Variants in UBXN2A observed in about 807,000 individuals in gnomAD.
UBXN2A encodes the protein UBX domain-containing protein 2A.
A neutral mutation model predicts 28.4 loss-of-function variants in UBXN2A; 28 were observed. The observed-to-expected ratio is 0.99, with a 90% CI of 0.73 to 1.35. The LOEUF (loss-of-function observed/expected upper bound fraction) is 1.35. Among genes scored for constraint, UBXN2A ranks in the 40% most tolerant of loss-of-function variants. The probability of loss-of-function intolerance (pLI) is 0.00; values close to 1 mark genes in which losing one functional copy is unlikely to be tolerated. For missense variants in UBXN2A, 253 were observed against 297.9 expected (o/e 0.85, Z 1.11); for synonymous variants, 97 against 103.6 (o/e 0.94, Z 0.39).
At chr2:23,935,830 AC>A (rs1468073730), upstream of UBXN2A, among the ~76,000 whole-genome samples, 2 of 152,140 alleles carry the variant, frequency 1.3e-5, no homozygotes, top group African/African-American at 4.8e-5. Flanking sequence ...TGGGTGGATC[AC>A]CAGAGGTCAG....
intron 6 of UBXN2A, among the ~76,000 whole-genome samples, chr2:23,997,483 G>A (rs1304805998): frequency 6.6e-6 from 1 of 152,012 alleles, no homozygotes; most frequent in Non-Finnish European, 1.5e-5. Context: ...ACGGAGTCCT[G>A]CTCTGTCGCC....
chr2:23,930,179 C>A (rs151204532), intron 1 of UBXN2A, among the ~76,000 whole-genome samples: 1 of 152,152 alleles, frequency 6.6e-6, no homozygotes, highest in Non-Finnish European at 1.5e-5. Context: ...TGAGCCACTG[C>A]GCCTGGAGGT....
At chr2:23,956,525 G>A (rs1706633286) in intron 1 of UBXN2A, among the ~76,000 whole-genome samples, 1 of 151,768 alleles carries the variant, frequency 6.6e-6, no homozygotes, top group Admixed American at 6.6e-5. Flanking sequence ...GCTAATTTTT[G>A]TATTTTTAGT....
In UBXN2A at chr2:23,982,880, T is replaced by C. The variant is rs1420502947; in HGVS notation, c.288-16T>C. On this transcript the variant is annotated splice_polypyrimidine_tract_variant and intron_variant, in intron 4 of 6. Transcript: ENST00000309033. The stretch of plus-strand genomic sequence containing the variant: ...TACATTGGGAGCTTTATCATTTTCT[T>C]TCTTTGTTTTCCAAGGGAATTACCT... 3.2e-6 allele frequency: 5 copies of C among 1,581,358 alleles called. No homozygotes were observed. The highest frequency in any genetic ancestry group is 2.6e-6 in the Non-Finnish European group (3 of 1,166,010).
chr2:23,993,497 G>C (rs551497697), intron 6 of UBXN2A, among the ~76,000 whole-genome samples: 47 of 151,956 alleles, frequency 3.1e-4, no homozygotes, highest in African/African-American at 1.1e-3. Flanking sequence ...ATTTCACTCT[G>C]TTACTCTCTT....
At chr2:23,978,865 A>C (rs1707783167) in intron 4 of UBXN2A, among the ~76,000 whole-genome samples, 1 of 151,816 alleles carries the variant, frequency 6.6e-6, no homozygotes, top group African/African-American at 2.4e-5. Flanking sequence ...TGGGAGGCTG[A>C]GGCAGGAGAA....
In UBXN2A at chr2:23,978,827, TG is replaced by T. The variant is rs761077310; in HGVS notation, c.287+1754del. Among the ~76,000 whole-genome samples, 264 of 147,666 alleles carry T rather than the reference TG, an allele frequency of 1.8e-3. 1 individual carries two copies. Among genetic ancestry groups the T allele is most frequent in the Middle Eastern group, 3.9e-3 (1 of 256 alleles). On this transcript the variant is annotated intron_variant, in intron 4 of 6. Transcript: ENST00000309033. ...AAATACAAAAATTAGCCACGCATCG[TG>T]GCACGTGCCTGTTAGTCGCAGCTAC...
At chr2:23,976,650 A>T (rs1707676136) in intron 3 of UBXN2A, among the ~76,000 whole-genome samples, 1 of 152,166 alleles carries the variant, frequency 6.6e-6, no homozygotes, top group African/African-American at 2.4e-5. Context: ...CCCGTGATTC[A>T]ATTACCTCCC....
At position 24,000,012 on chromosome 2, in the gene UBXN2A, G is replaced by A; in HGVS notation, c.*145G>A. 4.1e-6 allele frequency: 3 copies of A among 735,168 alleles called. No individual in the cohort carries two copies. The highest frequency in any genetic ancestry group is 6.6e-6 in the Non-Finnish European group (3 of 457,068). 45.5% of individuals were successfully genotyped at this position (735,168 alleles called of 1,614,324 possible). Reference sequence around the variant, plus strand: ...CTCTCTCCTGATGAGAAGATGTTTAGATAAGTACAAGTTAAGAAAGTAGCA... The same window carrying A: ...CTCTCTCCTGATGAGAAGATGTTTAAATAAGTACAAGTTAAGAAAGTAGCA... On this transcript the variant is annotated 3_prime_UTR_variant, in exon 7 of 7. Coordinates refer to ENST00000309033, the MANE Select transcript of UBXN2A (RefSeq NM_181713.4).
upstream of UBXN2A, among the ~76,000 whole-genome samples, chr2:23,936,427 A>G (rs1284738924): frequency 6.6e-6 from 1 of 152,084 alleles, no homozygotes; most frequent in Non-Finnish European, 1.5e-5. Context: ...AAAGTAGAAT[A>G]GGCTGTGCGT....
rs1339679984 is a variant in UBXN2A at position 24,001,652 on chromosome 2, T to C, written c.*1785T>C. 6.6e-6 allele frequency: 1 copy of C among 151,524 alleles called. No homozygotes were observed. Among genetic ancestry groups the C allele is most frequent in the Admixed American group, 6.6e-5 (1 of 15,198 alleles). The allele number at this position is 151,524 out of a possible 1,614,324, so 9.4% of individuals were successfully genotyped here. Reference sequence around the variant, plus strand: ...GCTATATATATTATTATATTAAATATTAAATTTTTAAAATATTTATTTATG... The same window carrying C: ...GCTATATATATTATTATATTAAATACTAAATTTTTAAAATATTTATTTATG... On this transcript the variant is annotated 3_prime_UTR_variant, in exon 7 of 7. Coordinates refer to ENST00000309033, the MANE Select transcript of UBXN2A (RefSeq NM_181713.4).
intron 3 of UBXN2A, among the ~76,000 whole-genome samples, chr2:23,975,564 T>C (rs1222034764): frequency 6.6e-6 from 1 of 152,234 alleles, no homozygotes; most frequent in African/African-American, 2.4e-5. Context: ...AATCTATTAG[T>C]TGTGAAAGGC....
At chr2:23,939,320 A>G (rs1705633309), upstream of UBXN2A, among the ~76,000 whole-genome samples, 1 of 152,166 alleles carries the variant, frequency 6.6e-6, no homozygotes, top group Non-Finnish European at 1.5e-5. Context: ...AAACTATTGC[A>G]ACTGAGAGTG....
At chr2:23,966,750 CTTT>C (rs70944704) in intron 2 of UBXN2A, among the ~76,000 whole-genome samples, 1,981 of 76,684 alleles carry the variant, frequency 0.026, 65 homozygotes, top group African/African-American at 0.091. Context: ...CGCGCCCGGC[CTTT>C]TTTTTTTTTT....
At chr2:23,931,365 G>A (rs1705363363) in intron 1 of UBXN2A, among the ~76,000 whole-genome samples, 1 of 151,834 alleles carries the variant, frequency 6.6e-6, no homozygotes, top group African/African-American at 2.4e-5. Flanking sequence ...AGAATCACTT[G>A]AACCTGAAAG....
At chr2:23,948,372 C>A (rs1359356993) in intron 1 of UBXN2A, among the ~76,000 whole-genome samples, 1 of 151,546 alleles carries the variant, frequency 6.6e-6, no homozygotes, top group Non-Finnish European at 1.5e-5. Flanking sequence ...CCTGCCTCAG[C>A]CTCCCAAGTA....
At chr2:23,982,814 T>C (rs951525752) in intron 4 of UBXN2A, 82 bp from the exon 5 acceptor site, 5 of 1,395,510 alleles carry the variant, frequency 3.6e-6, no homozygotes, top group Middle Eastern at 2.2e-4. Flanking sequence ...TTCTACATAT[T>C]CATTTTTTGT....
chr2:23,978,687 G>A (rs1159524519), intron 4 of UBXN2A, among the ~76,000 whole-genome samples: 1 of 151,262 alleles, frequency 6.6e-6, no homozygotes, highest in Non-Finnish European at 1.5e-5. Flanking sequence ...ATTGTAGCTG[G>A]GCACGGGGGC....
At chr2:23,979,752 G>A (rs1236033438) in intron 4 of UBXN2A, among the ~76,000 whole-genome samples, 2 of 151,882 alleles carry the variant, frequency 1.3e-5, no homozygotes, top group East Asian at 3.9e-4. Context: ...TTAATTTTTA[G>A]TAAAGATGAG....
Sources: allele counts gnomAD v4.1 joint callset (sites outside exome capture counted in the v4.1 genomes callset), GRCh38; gene constraint gnomAD v4.1.1; transcripts MANE v1.5; gene names NCBI Gene and HGNC (gene_info 2026-07-23, HGNC 2026-07-21).